The following GRID1 variants were observed in gnomAD, a reference collection of about 807,000 sequenced individuals.
The protein encoded by GRID1 is glutamate ionotropic receptor delta type subunit 1, also known as glutamate receptor ionotropic, delta-1.
In GRID1, 28 loss-of-function variants were observed where a neutral mutation model predicts 98.0. The ratio of observed to expected loss-of-function variants is 0.29; its 90% CI spans 0.21 to 0.39. The LOEUF is 0.39. GRID1 is among the 10% of genes least tolerant of loss of function. GRID1 has a pLI of 1.00. For missense variants in GRID1, 1,111 were observed against 1,340.5 expected (o/e 0.83, Z 2.67); for synonymous variants, 553 against 538.5 (o/e 1.03, Z -0.37).
Position 86,041,534 on chromosome 10 carries a change from C to T in GRID1, c.726+97285G>A, listed in dbSNP as rs78239159. Among the ~76,000 whole-genome samples the T allele has an allele frequency of 1.6e-3, 247 of 152,228 alleles. 1 individual carries two copies. The highest frequency in any genetic ancestry group is 5.6e-3 in the African/African-American group (233 of 41,522). ...CGATGGATTGCTTTCCATAGTGGGG[C>T]CAGTCAGGGGATGCACCTGGAGCAG... On this transcript the variant is annotated intron_variant, in intron 4 of 15. Transcript: ENST00000327946.
intron 4 of GRID1, among the ~76,000 whole-genome samples, chr10:86,121,305 CCATCACCATCATCACCA>C (rs1221002132): frequency 6.6e-6 from 1 of 151,604 alleles, no homozygotes; most frequent in African/African-American, 2.4e-5. Context: ...ATCATCACCA[CCATCACCATCATCACCA>C]CATCACCATC....
At position 86,121,479 on chromosome 10, in the gene GRID1, TACCATCATC is replaced by T. The variant is rs1283171396; in HGVS notation, c.726+17331_726+17339del. 9.7e-4 allele frequency among the ~76,000 whole-genome samples: 8 copies of T among 8,216 alleles called. No individual in the cohort carries two copies. In the South Asian group the frequency reaches 0.014, roughly 15 times the overall value. The allele number at this position is 8,216 out of a possible 152,430, so 5.4% of individuals were successfully genotyped here. A position where few individuals can be genotyped will look rare whatever the true frequency, so the allele number is the denominator to read the frequency against. ...TCATCACCATCACCATCATCATCAC[TACCATCATC>T]ACCATCATCACCATCACCATCATCA... On this transcript the variant is annotated intron_variant, in intron 4 of 15. Coordinates refer to ENST00000327946, the MANE Select transcript of GRID1 (RefSeq NM_017551.3).
At chr10:85,951,185 C>T (rs1477809655) in intron 4 of GRID1, among the ~76,000 whole-genome samples, 1 of 152,210 alleles carries the variant, frequency 6.6e-6, no homozygotes, top group Non-Finnish European at 1.5e-5. Context: ...CTGGCAGTTA[C>T]CATCCTGCCT....
intron 13 of GRID1, among the ~76,000 whole-genome samples, chr10:85,631,918 C>G (rs936365356): frequency 2.6e-5 from 4 of 151,962 alleles, no homozygotes; most frequent in Non-Finnish European, 4.4e-5. Context: ...TACATGTGGT[C>G]AAATAGCCCA....
intron 4 of GRID1, among the ~76,000 whole-genome samples, chr10:85,970,653 G>A (rs1395901250): frequency 1.3e-5 from 2 of 151,964 alleles, no homozygotes; most frequent in Non-Finnish European, 2.9e-5. Context: ...AACACTCAAC[G>A]AATTAGGAAT....
At chr10:85,863,504 C>T (rs1268687085) in intron 6 of GRID1, among the ~76,000 whole-genome samples, 1 of 152,228 alleles carries the variant, frequency 6.6e-6, no homozygotes, top group African/African-American at 2.4e-5. Context: ...CAGGAAGGCA[C>T]TGACTTTCCA....
intron 2 of GRID1, among the ~76,000 whole-genome samples, chr10:86,352,871 C>T (rs1419235207): frequency 1.3e-5 from 2 of 152,150 alleles, no homozygotes; most frequent in Non-Finnish European, 2.9e-5. Flanking sequence ...GGCTCCCTCT[C>T]ATCCCACTAG....
intron 4 of GRID1, among the ~76,000 whole-genome samples, chr10:85,994,298 C>T (rs1378155867): frequency 1.3e-5 from 2 of 152,218 alleles, no homozygotes; most frequent in African/African-American, 4.8e-5. Flanking sequence ...GTGAGGATCC[C>T]ACAGTGTCAG....
At chr10:85,964,090 A>C (rs559179026) in intron 4 of GRID1, among the ~76,000 whole-genome samples, 26 of 152,334 alleles carry the variant, frequency 1.7e-4, no homozygotes, top group African/African-American at 5.5e-4. Flanking sequence ...GATATGAAGG[A>C]TCTCTTCAAG....
chr10:85,767,244 T>C (rs940629596), intron 8 of GRID1, among the ~76,000 whole-genome samples: 2 of 152,206 alleles, frequency 1.3e-5, no homozygotes, highest in African/African-American at 4.8e-5. Context: ...AATGTAGCAA[T>C]TGTATAAACT....
intron 8 of GRID1, among the ~76,000 whole-genome samples, chr10:85,771,918 C>G (rs1842272972): frequency 6.6e-6 from 1 of 152,250 alleles, no homozygotes; most frequent in Non-Finnish European, 1.5e-5. Context: ...ATCAACGAGA[C>G]AGAAAGTTAA....
chr10:85,915,253 A>G (rs1240903702), intron 5 of GRID1, among the ~76,000 whole-genome samples: 1 of 151,984 alleles, frequency 6.6e-6, no homozygotes. Flanking sequence ...TACAACCCAC[A>G]CAGCATTCAC....
At chr10:86,129,007 G>T (rs1844796382) in intron 4 of GRID1, among the ~76,000 whole-genome samples, 1 of 152,214 alleles carries the variant, frequency 6.6e-6, no homozygotes, top group Non-Finnish European at 1.5e-5. Context: ...TGAGAAAGCG[G>T]GGCAAGAAAG....
chr10:86,270,140 C>A (rs1847163082), intron 2 of GRID1, among the ~76,000 whole-genome samples: 1 of 152,204 alleles, frequency 6.6e-6, no homozygotes, highest in Non-Finnish European at 1.5e-5. Flanking sequence ...GTCTGAGCAG[C>A]CGAATCTTCT....
chr10:86,008,084 A>G (rs1332582093), intron 4 of GRID1, among the ~76,000 whole-genome samples: 1 of 152,212 alleles, frequency 6.6e-6, no homozygotes, highest in Non-Finnish European at 1.5e-5. Flanking sequence ...AGATTAAAAA[A>G]GAAAAATTGC....
In GRID1 at chr10:85,599,802, A is replaced by AAATATATATATATATATAT; in HGVS notation, c.*2470_*2471insATATATATATATATATATT. ...GTAGAAAATTCTAAAAAAAAAAAAA[A>AAATATATATATATATATAT]ATATATATATATATATATAAACATG... On this transcript the variant is annotated 3_prime_UTR_variant, in exon 16 of 16. Transcript: ENST00000327946. 2.0e-4 allele frequency: 13 copies of AAATATATATATATATATAT among 64,980 alleles called. No homozygotes were observed. The highest frequency in any genetic ancestry group is 4.7e-4 in the African/African-American group (5 of 10,732). 4.0% of individuals were successfully genotyped at this position (64,980 alleles called of 1,614,324 possible). A position where few individuals can be genotyped will look rare whatever the true frequency, so the allele number is the denominator to read the frequency against.
chr10:85,674,233 G>A (rs545904817), intron 12 of GRID1, among the ~76,000 whole-genome samples: 68 of 152,206 alleles, frequency 4.5e-4, no homozygotes, highest in Non-Finnish European at 9.0e-4. Context: ...CAAAGCTGTG[G>A]GCTCATATGT....
chr10:86,247,643 T>G (rs1846753274), intron 2 of GRID1, among the ~76,000 whole-genome samples: 1 of 152,088 alleles, frequency 6.6e-6, no homozygotes, highest in Admixed American at 6.5e-5. Context: ...CCTAAAAGTT[T>G]TTTCAAAGTT....
At chr10:86,324,547 A>G (rs1250530498) in intron 2 of GRID1, among the ~76,000 whole-genome samples, 2 of 152,196 alleles carry the variant, frequency 1.3e-5, no homozygotes, top group Non-Finnish European at 2.9e-5. Flanking sequence ...CCCACAGCCC[A>G]AGGAACAGTC....
Sources: allele counts gnomAD v4.1 joint callset (sites outside exome capture counted in the v4.1 genomes callset), GRCh38; gene constraint gnomAD v4.1.1; transcripts MANE v1.5; gene names NCBI Gene and HGNC (gene_info 2026-07-23, HGNC 2026-07-21).